The following CDC25C variants were observed in gnomAD, a reference collection of about 807,000 sequenced individuals.
CDC25C encodes the protein cell division cycle 25C.
CDC25C carries 48 observed loss-of-function variants against 52.5 expected under a neutral mutation model. The ratio of observed to expected loss-of-function variants is 0.91; its 90% CI spans 0.72 to 1.16. The LOEUF is 1.16. Among genes scored for constraint, CDC25C ranks in the 50% most tolerant of loss-of-function variants. The pLI is 0.00. For synonymous variants in CDC25C, 187 were observed against 206.5 expected, an observed-to-expected ratio of 0.91 and a Z score of 0.81; for missense variants, 510 against 566.1, an observed-to-expected ratio of 0.90 and a Z score of 1.01.
At chr5:138,293,417 T>C (rs1756907916) in intron 7 of CDC25C, among the ~76,000 whole-genome samples, 1 of 152,040 alleles carries the variant, frequency 6.6e-6, no homozygotes, top group Non-Finnish European at 1.5e-5. Flanking sequence ...CAGTGATGCA[T>C]GAATGGATCA....
intron 7 of CDC25C, among the ~76,000 whole-genome samples, chr5:138,292,587 A>G (rs1248448808): frequency 6.6e-6 from 1 of 152,098 alleles, no homozygotes; most frequent in African/African-American, 2.4e-5. Context: ...TGAAAAGCCA[A>G]GAAGAAAAAT....
intron 7 of CDC25C, among the ~76,000 whole-genome samples, chr5:138,304,408 TTCTC>T: frequency 6.6e-6 from 1 of 151,238 alleles, no homozygotes; most frequent in East Asian, 2.0e-4. Flanking sequence ...ATGCATCCAT[TTCTC>T]TGTCTCCATA....
intron 7 of CDC25C, among the ~76,000 whole-genome samples, chr5:138,302,467 A>AG (rs1353732291): frequency 6.6e-6 from 1 of 151,684 alleles, no homozygotes; most frequent in Non-Finnish European, 1.5e-5. Flanking sequence ...TGGGAGGCCA[A>AG]GGCAGGTGGA....
At position 138,331,001 on chromosome 5, in the gene CDC25C, T is replaced by C; in HGVS notation, c.180A>G (p.Leu60=). The change falls in exon 2 of 14, where the codon CTA becomes CTG. Residue 60 remains leucine, a synonymous_variant. Coordinates refer to ENST00000323760, the MANE Select transcript of CDC25C (RefSeq NM_001790.5). ...VGKFLGDSAN[L]SILSGGTPKR... is the part of the protein sequence containing the mutation. ...AGTATATTTACCCAGACAAAATGCT[T>C]AGGTTTGCAGAATCACCAAGAAATT... 1 of 1,610,218 alleles carries C rather than the reference T, an allele frequency of 6.2e-7. No homozygotes were observed. The highest frequency in any genetic ancestry group is 8.5e-7 in the Non-Finnish European group (1 of 1,176,466).
chr5:138,330,566 G>A (rs573871745), intron 2 of CDC25C, among the ~76,000 whole-genome samples: 15 of 152,294 alleles, frequency 9.8e-5, no homozygotes, highest in African/African-American at 3.1e-4. Flanking sequence ...GAAGTGCAGT[G>A]AGGCGATCTT....
chr5:138,299,999 A>C (rs946342077), intron 7 of CDC25C, among the ~76,000 whole-genome samples: 12 of 152,200 alleles, frequency 7.9e-5, no homozygotes, highest in African/African-American at 2.9e-4. Context: ...CCAACAAATG[A>C]GACCACTTAG....
At chr5:138,286,743 A>G (rs1320472867) in intron 11 of CDC25C, 113 bp from the exon 12 acceptor site, 2 of 962,984 alleles carry the variant, frequency 2.1e-6, no homozygotes, top group Non-Finnish European at 1.5e-6. Context: ...AAGCTGGACT[A>G]TAAGCACCTT....
chr5:138,330,891 C>T (rs1392991640), intron 2 of CDC25C, 96 bp downstream of exon 2: 2 of 846,296 alleles, frequency 2.4e-6, no homozygotes, highest in African/African-American at 1.7e-5. Context: ...TAAAGCCTGA[C>T]CTTTGAGCCG....
chr5:138,309,861 C>A (rs1172963158), intron 7 of CDC25C, among the ~76,000 whole-genome samples: 2 of 151,860 alleles, frequency 1.3e-5, no homozygotes, highest in African/African-American at 2.4e-5. Flanking sequence ...CACCTGCCAC[C>A]AAACCCGGCT....
At chr5:138,303,835 T>C (rs1438299849) in intron 7 of CDC25C, among the ~76,000 whole-genome samples, 1 of 152,206 alleles carries the variant, frequency 6.6e-6, no homozygotes, top group East Asian at 1.9e-4. Flanking sequence ...TAAGCTCAGA[T>C]ACTACTGTAT....
intron 7 of CDC25C, among the ~76,000 whole-genome samples, chr5:138,307,385 G>A (rs754571406): frequency 6.7e-5 from 10 of 150,024 alleles, no homozygotes; most frequent in South Asian, 2.1e-4. Context: ...CCAGCTACTC[G>A]GGAGGCTGAG....
chr5:138,309,009 ATACTC>A (rs947772441), intron 7 of CDC25C, among the ~76,000 whole-genome samples: 23 of 152,256 alleles, frequency 1.5e-4, no homozygotes, highest in African/African-American at 4.8e-4. Context: ...GGTGCCTACT[ATACTC>A]TAAGTAGTCA....
intron 7 of CDC25C, among the ~76,000 whole-genome samples, chr5:138,295,865 A>G (rs1757137251): frequency 6.6e-6 from 1 of 152,198 alleles, no homozygotes; most frequent in Non-Finnish European, 1.5e-5. Flanking sequence ...GAATCACCAG[A>G]GAGTTTCCAA....
In CDC25C at chr5:138,319,219, C is replaced by T; in HGVS notation, c.615G>A (p.Lys205=). The change falls in exon 7 of 14, where the codon AAG becomes AAA. Residue 205 remains lysine, a splice_region_variant and synonymous_variant. Coordinates refer to ENST00000323760, the MANE Select transcript of CDC25C (RefSeq NM_001790.5). The stretch of plus-strand genomic sequence containing the variant: ...AAGATACTACCACAGAACACTTTAC[C>T]TTTGCTTCTTGATCTTTCAGGGAAA... ...MEFSLKDQEA[K]VSRSGLYRSP... 1 of 1,610,912 alleles carries T rather than the reference C, an allele frequency of 6.2e-7. No homozygotes were observed. Among genetic ancestry groups the T allele is most frequent in the Middle Eastern group, 1.7e-4 (1 of 6,048 alleles).
In CDC25C at chr5:138,312,836, T is replaced by C. The variant is rs895221839; in HGVS notation, c.615+6383A>G. On this transcript the variant is annotated intron_variant, in intron 7 of 13. Transcript: ENST00000323760. ...AAAATGGTTATGATGATAAAGGTTA[T>C]GTGCATTTTACAATTTAACATAAAA... Among the ~76,000 whole-genome samples the C allele has an allele frequency of 4.6e-5, 7 of 152,200 alleles. No homozygotes were observed. In the South Asian group the frequency reaches 1.0e-3, roughly 22 times the overall value.
At chr5:138,328,034 T>G (rs1389484193) in intron 4 of CDC25C, among the ~76,000 whole-genome samples, 1 of 152,170 alleles carries the variant, frequency 6.6e-6, no homozygotes, top group Non-Finnish European at 1.5e-5. Context: ...ATCCAGCTAA[T>G]TTTTGTATTT....
intron 7 of CDC25C, among the ~76,000 whole-genome samples, chr5:138,300,962 A>G (rs146936611): frequency 2.0e-4 from 31 of 152,196 alleles, no homozygotes; most frequent in Non-Finnish European, 1.0e-4. Flanking sequence ...TGAACTGAAT[A>G]AAACTGAAAA....
rs200825916 is a variant in CDC25C, at chr5:138,292,072, G to A, written c.660C>T (p.Asn220=). ...CCTGCTTCAGTCTTGGCCTGTTCAA[G>A]TTCTCTGGCATCGACGGGGAGCGAT... is the stretch of plus-strand genomic sequence containing the variant. ...GLYRSPSMPE[N]LNRPRLKQVE... The change falls in exon 8 of 14, where the codon AAC becomes AAT. Residue 220 remains asparagine, a synonymous_variant. Coordinates refer to ENST00000323760, the MANE Select transcript of CDC25C (RefSeq NM_001790.5). 3.2e-5 allele frequency: 51 copies of A among 1,613,226 alleles called. No individual in the cohort carries two copies. The East Asian group carries it at 6.0e-4, about 19-fold the overall frequency.
At position 138,322,667 on chromosome 5, in the gene CDC25C, G is replaced by T. The variant is rs969949252; in HGVS notation, c.459+3148C>A. 1.4e-3 allele frequency among the ~76,000 whole-genome samples: 205 copies of T among 151,064 alleles called. 1 individual carries two copies. Among genetic ancestry groups the T allele is most frequent in the African/African-American group, 4.6e-3 (188 of 41,166 alleles). ...ATTTTTTCTATTTTTAGTAGAGACGGGGTTTCACCATGTTAGCCAGAATGG... is the reference window on the plus strand; with the variant it reads ...ATTTTTTCTATTTTTAGTAGAGACGTGGTTTCACCATGTTAGCCAGAATGG... On this transcript the variant is annotated intron_variant, in intron 6 of 13. Transcript: ENST00000323760.
Sources: gnomAD v4.1 joint callset for allele counts (sites outside exome capture counted in the v4.1 genomes callset) on GRCh38, gnomAD v4.1.1 for gene constraint, MANE v1.5 for transcripts, NCBI Gene and HGNC (gene_info 2026-07-23, HGNC 2026-07-21) for gene names.